EXOC6: variants seen among roughly 807,000 people sequenced by gnomAD.
EXOC6 encodes the protein exocyst complex component 6.
EXOC6 carries 60 observed loss-of-function variants against 112.5 expected under a neutral mutation model. The ratio of observed to expected loss-of-function variants is 0.53; its 90% CI spans 0.43 to 0.66. The LOEUF (loss-of-function observed/expected upper bound fraction) is 0.66. Among genes scored for constraint, EXOC6 ranks in the 30% least tolerant of loss-of-function variants. EXOC6 has a pLI of 0.00. For missense variants in EXOC6, 855 were observed against 957.1 expected, an observed-to-expected ratio of 0.89 and a Z score of 1.41; for synonymous variants, 295 against 308.0, an observed-to-expected ratio of 0.96 and a Z score of 0.44.
chr10:93,006,249 C>T (rs1176280362), intron 19 of EXOC6, among the ~76,000 whole-genome samples: 1 of 151,716 alleles, frequency 6.6e-6, no homozygotes, highest in Non-Finnish European at 1.5e-5. Context: ...ACCTCTAATT[C>T]TAGCCTTGAA....
chr10:93,018,053 A>G (rs1844622735), intron 20 of EXOC6, among the ~76,000 whole-genome samples: 1 of 151,784 alleles, frequency 6.6e-6, no homozygotes, highest in South Asian at 2.1e-4. Context: ...AAAATTTTAA[A>G]AAAGAAATAC....
intron 5 of EXOC6, among the ~76,000 whole-genome samples, chr10:92,905,736 C>T (rs778003224): frequency 2.0e-5 from 3 of 151,990 alleles, no homozygotes; most frequent in Admixed American, 6.6e-5. Context: ...CCTTTAAATT[C>T]GTTAAGGCAT....
rs1037166943 is a variant in EXOC6 at position 92,895,060 on chromosome 10, A to G, written c.412+40A>G. 4.9e-6 allele frequency: 6 copies of G among 1,228,572 alleles called. No homozygotes were observed. The African/African-American group carries it at 9.0e-5, about 18-fold the overall frequency. 76.1% of individuals were successfully genotyped at this position (1,228,572 alleles called of 1,614,324 possible). A position where few individuals can be genotyped will look rare whatever the true frequency, so the allele number is the denominator to read the frequency against. On this transcript the variant is annotated intron_variant, in intron 4 of 21. Coordinates refer to ENST00000260762, the MANE Select transcript of EXOC6 (RefSeq NM_019053.6). ...TCTATAATAAAACGTTTGGCTTGGT[A>G]AAGTTGTAATTTAATAATAGCAAGT...
At chr10:92,851,048 A>T (rs1847304319) in intron 1 of EXOC6, among the ~76,000 whole-genome samples, 1 of 152,266 alleles carries the variant, frequency 6.6e-6, no homozygotes, top group Non-Finnish European at 1.5e-5. Flanking sequence ...AGAAATTAGA[A>T]AGTATTTTAA....
intron 1 of EXOC6, among the ~76,000 whole-genome samples, chr10:92,853,455 A>T (rs1423901282): frequency 6.6e-6 from 1 of 152,236 alleles, no homozygotes; most frequent in Non-Finnish European, 1.5e-5. Flanking sequence ...TTGGTAAAAG[A>T]TGAACAGAAT....
At chr10:92,981,181 G>A (rs146358978) in intron 18 of EXOC6, among the ~76,000 whole-genome samples, 4 of 152,306 alleles carry the variant, frequency 2.6e-5, no homozygotes, top group African/African-American at 9.6e-5. Context: ...ACTTAAACCA[G>A]AAGAATTTTT....
intron 1 of EXOC6, among the ~76,000 whole-genome samples, chr10:92,827,474 C>CAAAAAA (rs60863083): frequency 0.035 from 1,177 of 33,228 alleles, 339 homozygotes; most frequent in African/African-American, 0.042. Flanking sequence ...GCCCTGTTGC[C>CAAAAAA]AAAAAAAAAA....
chr10:92,861,372 T>C (rs1847904050), intron 1 of EXOC6, among the ~76,000 whole-genome samples: 2 of 152,256 alleles, frequency 1.3e-5, no homozygotes, highest in Middle Eastern at 3.4e-3. Flanking sequence ...GTGTGGAGCC[T>C]CTCTCGTATG....
intron 5 of EXOC6, among the ~76,000 whole-genome samples, chr10:92,906,829 A>G (rs986737943): frequency 6.6e-6 from 1 of 152,200 alleles, no homozygotes; most frequent in African/African-American, 2.4e-5. Context: ...TGATAGCATC[A>G]GATCATAGGT....
chr10:92,948,256 A>C lies in EXOC6; in HGVS notation c.1311-18A>C. ...TATGCTTTGTAATGATAAGTTTTCA[A>C]TTTTCCTTTCCTAACAGGGACATTT... On this transcript the variant is annotated intron_variant, in intron 13 of 21. Coordinates refer to ENST00000260762, the MANE Select transcript of EXOC6 (RefSeq NM_019053.6). 3.3e-6 allele frequency: 5 copies of C among 1,510,998 alleles called. No homozygotes were observed. Among genetic ancestry groups the C allele is most frequent in the Non-Finnish European group, 3.7e-6 (4 of 1,095,296 alleles). The allele number at this position is 1,510,998 out of a possible 1,614,324, so 93.6% of individuals were successfully genotyped here.
In EXOC6 at chr10:93,046,295, A is replaced by G. The variant is rs187183454; in HGVS notation, c.2170-10629A>G. On this transcript the variant is annotated intron_variant, in intron 20 of 21. Coordinates refer to ENST00000260762, the MANE Select transcript of EXOC6 (RefSeq NM_019053.6). Reference sequence around the variant, plus strand: ...GAAGGAGATAAGTGCTGGGATAACTATGATTCACCCAGACTAAAAATGGAA... The same window carrying G: ...GAAGGAGATAAGTGCTGGGATAACTGTGATTCACCCAGACTAAAAATGGAA... Among the ~76,000 whole-genome samples, 444 of 152,346 alleles carry G rather than the reference A, an allele frequency of 2.9e-3. 2 individuals are homozygous for G. Among genetic ancestry groups the G allele is most frequent in the Non-Finnish European group, 5.4e-3 (369 of 68,026 alleles).
chr10:92,891,586 A>G (rs1038746176), intron 1 of EXOC6, among the ~76,000 whole-genome samples: 1 of 152,110 alleles, frequency 6.6e-6, no homozygotes, highest in South Asian at 2.1e-4. Flanking sequence ...GGTTCAAGCG[A>G]TTCTCCTGCC....
At chr10:92,827,711 AC>A (rs1846409947) in intron 1 of EXOC6, among the ~76,000 whole-genome samples, 1 of 152,100 alleles carries the variant, frequency 6.6e-6, no homozygotes, top group African/African-American at 2.4e-5. Context: ...CCCCTCACAG[AC>A]CAGATGATTC....
chr10:92,872,061 AT>A (rs1445562262), intron 1 of EXOC6, among the ~76,000 whole-genome samples: 1 of 151,132 alleles, frequency 6.6e-6, no homozygotes, highest in African/African-American at 2.4e-5. Context: ...ATTTTTAATG[AT>A]TCTTTCCATT....
intron 1 of EXOC6, among the ~76,000 whole-genome samples, chr10:92,889,808 G>T (rs1442124362): frequency 6.6e-6 from 1 of 151,778 alleles, no homozygotes; most frequent in Non-Finnish European, 1.5e-5. Flanking sequence ...GGAGTGCGGT[G>T]GCACAATCAT....
intron 1 of EXOC6, among the ~76,000 whole-genome samples, chr10:92,879,713 A>C (rs1674007931): frequency 6.6e-6 from 1 of 152,126 alleles, no homozygotes; most frequent in Admixed American, 6.6e-5. Context: ...AATATATGTA[A>C]CTTTTATATA....
intron 1 of EXOC6, among the ~76,000 whole-genome samples, chr10:92,891,747 CT>C (rs765380235): frequency 3.0e-4 from 46 of 152,224 alleles, no homozygotes; most frequent in Non-Finnish European, 5.9e-4. Context: ...TCCCAAAATG[CT>C]GGGATTACAG....
intron 20 of EXOC6, among the ~76,000 whole-genome samples, chr10:93,039,796 C>T (rs1463942700): frequency 6.6e-6 from 1 of 152,162 alleles, no homozygotes; most frequent in African/African-American, 2.4e-5. Context: ...TTATTCTATG[C>T]CACCTGAAAA....
intron 19 of EXOC6, among the ~76,000 whole-genome samples, chr10:93,003,707 G>T (rs1843857276): frequency 6.6e-6 from 1 of 152,182 alleles, no homozygotes; most frequent in South Asian, 2.1e-4. Flanking sequence ...AACTGTAATA[G>T]AGCATAATTA....
Sources: allele counts gnomAD v4.1 joint callset (sites outside exome capture counted in the v4.1 genomes callset), GRCh38; gene constraint gnomAD v4.1.1; transcripts MANE v1.5; gene names NCBI Gene and HGNC (gene_info 2026-07-23, HGNC 2026-07-21).